Variants in ELP6 observed in about 807,000 individuals in gnomAD.
ELP6 encodes elongator complex protein 6.
In ELP6, 23 loss-of-function variants were observed where a neutral mutation model predicts 28.1. That is an observed-to-expected ratio of 0.82 (90% CI 0.59 to 1.16). The LOEUF (loss-of-function observed/expected upper bound fraction) is 1.16, where lower values mean the gene tolerates loss of function less well. Ranked by LOEUF, ELP6 falls within the 50% of genes most tolerant of loss-of-function variation. The probability of loss-of-function intolerance (pLI) is 0.00; values close to 1 mark genes in which losing one functional copy is unlikely to be tolerated. For missense variants in ELP6, 313 were observed against 334.6 expected (o/e 0.94, Z 0.50); for synonymous variants, 132 against 135.8 (o/e 0.97, Z 0.19).
intron 6 of ELP6, chr3:47,496,968 C>T (rs963966821): frequency 4.1e-6 from 4 of 985,312 alleles, no homozygotes; most frequent in Non-Finnish European, 4.8e-6. Flanking sequence ...GCCACAGCTG[C>T]CCAGCAGCAC....
At position 47,504,366 on chromosome 3, in the gene ELP6, T is replaced by C; in HGVS notation, c.287A>G (p.Gln96Arg). The change falls in exon 4 of 7, where the codon CAG becomes CGG. Residue 96 changes from glutamine (Q) to arginine (R), a missense_variant. Coordinates refer to ENST00000296149, the MANE Select transcript of ELP6 (RefSeq NM_001031703.3). ...GLKSAVDVVF[Q>R]AQKEPHPLQF... ...CAGGGGGTGTGGCTCCTTTTGAGCCTGGAAGACGACGTCCACTGCAGACTT... is the reference window on the plus strand; with the variant it reads ...CAGGGGGTGTGGCTCCTTTTGAGCCCGGAAGACGACGTCCACTGCAGACTT... 6.2e-7 allele frequency: 1 copy of C among 1,610,784 alleles called. No individual in the cohort carries two copies. The highest frequency in any genetic ancestry group is 8.5e-7 in the Non-Finnish European group (1 of 1,178,254).
chr3:47,502,733 G>A (rs1708704768), intron 4 of ELP6, among the ~76,000 whole-genome samples: 1 of 151,960 alleles, frequency 6.6e-6, no homozygotes, highest in Non-Finnish European at 1.5e-5. Flanking sequence ...CCAGCTACTT[G>A]GGAGGCTGAG....
intron 5 of ELP6, 122 bp downstream of exon 5, chr3:47,501,528 C>T: frequency 1.0e-6 from 1 of 983,376 alleles, no homozygotes; most frequent in Non-Finnish European, 1.5e-6. Flanking sequence ...GCTTTCTGGG[C>T]CTGCCAGAGT....
intron 3 of ELP6, among the ~76,000 whole-genome samples, chr3:47,508,866 T>G (rs1015746927): frequency 6.7e-6 from 1 of 149,660 alleles, no homozygotes; most frequent in Non-Finnish European, 1.5e-5. Flanking sequence ...CTGGGTTCAC[T>G]CAATTCTCCT....
In ELP6 at chr3:47,510,212, C is replaced by T. The variant is rs191863904; in HGVS notation, c.176G>A (p.Ser59Asn). ...CTTCTGTCCCACGATACTGTAGTGG[C>T]TGAAGGACTGGATGAGTGCCACAAA... ...VCFVALIQSF[S>N]HYSIVGQKLG... Residue 59 changes from serine to asparagine, a missense_variant, in exon 3 of 7, where the codon AGC becomes AAC. By Grantham distance (46) the Ser-to-Asn change is conservative. Coordinates refer to ENST00000296149, the MANE Select transcript of ELP6 (RefSeq NM_001031703.3). 2.5e-6 allele frequency: 4 copies of T among 1,614,100 alleles called. No homozygotes were observed. In the East Asian group the frequency reaches 8.9e-5, roughly 36 times the overall value.
chr3:47,503,516 T>C, intron 4 of ELP6: 1 of 1,035,166 alleles, frequency 9.7e-7, no homozygotes, highest in Non-Finnish European at 1.3e-6. Context: ...ACTCTATTTG[T>C]TGCTGTAGTG....
intron 2 of ELP6, 30 bp downstream of exon 2, chr3:47,511,118 T>C: frequency 6.3e-7 from 1 of 1,590,260 alleles, no homozygotes; most frequent in Non-Finnish European, 8.6e-7. Flanking sequence ...ATCTTGGGTT[T>C]CTTTTCTACA....
intron 6 of ELP6, 134 bp downstream of exon 6, chr3:47,498,152 C>T (rs989739423): frequency 6.4e-6 from 9 of 1,415,284 alleles, no homozygotes; most frequent in Middle Eastern, 1.8e-4. Context: ...TGAAGTCTCA[C>T]AATTTCCAGT....
At chr3:47,511,904 C>T (rs1709027501) in intron 1 of ELP6, 1 of 985,280 alleles carries the variant, frequency 1.0e-6, no homozygotes, top group African/African-American at 1.7e-5. Flanking sequence ...GTGTGACCTT[C>T]CACAAATGCC....
At chr3:47,502,681 T>A (rs992960575) in intron 4 of ELP6, 17 of 425,014 alleles carry the variant, frequency 4.0e-5, no homozygotes, top group African/African-American at 1.1e-4. Flanking sequence ...CAAAAAAAAA[T>A]TTTTTTAAAT....
chr3:47,509,286 T>C (rs1235502638), intron 3 of ELP6, among the ~76,000 whole-genome samples: 1 of 152,190 alleles, frequency 6.6e-6, no homozygotes, highest in Non-Finnish European at 1.5e-5. Context: ...TAAAGATCAC[T>C]GCTGAAGAGT....
chr3:47,501,801 GC>G lies in ELP6; in HGVS notation c.373del (p.Ala125ProfsTer2). 6.2e-7 allele frequency: 1 copy of G among 1,613,980 alleles called. No individual in the cohort carries two copies. Among genetic ancestry groups the G allele is most frequent in the Non-Finnish European group, 8.5e-7 (1 of 1,180,006 alleles). ...CTCTCCACTGTCTACTGGCTTCAGGGCCTCCCGTACAAACTCAAACAATGGT... is the reference window on the plus strand; with the variant it reads ...CTCTCCACTGTCTACTGGCTTCAGGGCTCCCGTACAAACTCAAACAATGGT... ...LKPLFEFVRE[A>X]LKPVDSGEAR... On this transcript the variant is annotated frameshift_variant, in exon 5 of 7. Coordinates refer to ENST00000296149, the MANE Select transcript of ELP6 (RefSeq NM_001031703.3). LOFTEE classifies it high-confidence loss of function.
intron 1 of ELP6, 111 bp downstream of exon 1, chr3:47,513,426 C>G: frequency 2.6e-6 from 4 of 1,520,418 alleles, no homozygotes; most frequent in Admixed American, 2.2e-5. Context: ...TCCCAGGTAC[C>G]CCGTGCCGGG....
chr3:47,500,458 G>A (rs956625246), intron 5 of ELP6: 1 of 156,742 alleles, frequency 6.4e-6, no homozygotes, highest in African/African-American at 2.4e-5. Context: ...ATGCACGTTG[G>A]AGGGAGGGAG....
In ELP6 at chr3:47,501,387, C is replaced by T; in HGVS notation, c.525+263G>A. The T allele has an allele frequency of 8.1e-6, 4 of 496,624 alleles. 1 individual carries two copies. In the South Asian group the frequency reaches 9.2e-5, roughly 11 times the overall value. 30.8% of individuals were successfully genotyped at this position (496,624 alleles called of 1,614,324 possible). ...CTTGCCCCAGGACACACAGGCTATT[C>T]TGACAGACCTGGGACTGCAGCGGTG... On this transcript the variant is annotated intron_variant, in intron 5 of 6. Coordinates refer to ENST00000296149, the MANE Select transcript of ELP6 (RefSeq NM_001031703.3).
intron 2 of ELP6, among the ~76,000 whole-genome samples, chr3:47,510,742 G>A (rs996974294): frequency 4.6e-5 from 7 of 152,308 alleles, no homozygotes; most frequent in African/African-American, 1.7e-4. Context: ...TATAGATAAT[G>A]AGCCATTACG....
At chr3:47,503,949 G>A (rs941343609) in intron 4 of ELP6, among the ~76,000 whole-genome samples, 1 of 152,104 alleles carries the variant, frequency 6.6e-6, no homozygotes. Flanking sequence ...TAAAAAATAT[G>A]AAACAAAACA....
In ELP6 at chr3:47,501,638, T is replaced by G. The variant is rs751303586; in HGVS notation, c.525+12A>C. ...TCACAGGTGGGCGCAGAGAAGGCAG[T>G]TCCATGAGTACCTTTAGTTCCCAGC... On this transcript the variant is annotated intron_variant, in intron 5 of 6. Coordinates refer to ENST00000296149, the MANE Select transcript of ELP6 (RefSeq NM_001031703.3). 5 of 1,613,740 alleles carry G rather than the reference T, an allele frequency of 3.1e-6. No homozygotes were observed. The highest frequency in any genetic ancestry group is 4.2e-6 in the Non-Finnish European group (5 of 1,179,728).
intron 3 of ELP6, 56 bp downstream of exon 3, chr3:47,510,128 A>G: frequency 7.6e-7 from 1 of 1,323,062 alleles, no homozygotes. Flanking sequence ...GCTTTAGACC[A>G]TGTGTGACAC....
Sources: gnomAD v4.1 joint callset for allele counts (sites outside exome capture counted in the v4.1 genomes callset) on GRCh38, gnomAD v4.1.1 for gene constraint, MANE v1.5 for transcripts, NCBI Gene and HGNC (gene_info 2026-07-23, HGNC 2026-07-21) for gene names.